Variants in SAMSN1 observed in about 807,000 individuals in gnomAD.
SAMSN1 encodes SAM domain-containing protein SAMSN-1.
In SAMSN1, 31 loss-of-function variants were observed where a neutral mutation model predicts 42.0. That is an observed-to-expected ratio of 0.74 (90% CI 0.55 to 1.00). The LOEUF (loss-of-function observed/expected upper bound fraction) is 1.00, where lower values mean the gene tolerates loss of function less well. SAMSN1 is among the 50% of genes least tolerant of loss of function. SAMSN1 has a pLI of 0.00. For synonymous variants in SAMSN1, 178 were observed against 151.9 expected (o/e 1.17, Z -1.26); for missense variants, 464 against 439.4 (o/e 1.06, Z -0.50).
intron 5 of SAMSN1, among the ~76,000 whole-genome samples, chr21:14,501,320 T>A (rs1171897721): frequency 6.6e-6 from 1 of 152,200 alleles, no homozygotes; most frequent in Non-Finnish European, 1.5e-5. Context: ...TACTCTAAGT[T>A]ATTTTTGCTC....
rs182186727 is a variant in SAMSN1, at chr21:14,514,504, G to A, written c.280-1931C>T. 2.4e-3 allele frequency among the ~76,000 whole-genome samples: 363 copies of A among 152,266 alleles called. 1 individual carries two copies. The highest frequency in any genetic ancestry group is 0.017 in the Middle Eastern group (5 of 294). On this transcript the variant is annotated intron_variant, in intron 3 of 7. Transcript: ENST00000400566. ...TTAGGGGATTATGATAGTAATCCAG[G>A]AAAGAAAGGTTGGTTATTTAGTCTA...
exon 2 of SAMSN1, chr21:14,582,154 C>T (rs1981753077): frequency 7.8e-6 from 12 of 1,548,332 alleles, no homozygotes; most frequent in Non-Finnish European, 9.6e-6. Context: ...GTAGGAGATC[C>T]ATATCTGAGC....
At chr21:14,522,308 A>G (rs545758409) in intron 1 of SAMSN1, among the ~76,000 whole-genome samples, 1 of 152,344 alleles carries the variant, frequency 6.6e-6, no homozygotes, top group East Asian at 1.9e-4. Flanking sequence ...AAAAATTGAT[A>G]TTTCCTCACT....
intron 5 of SAMSN1, among the ~76,000 whole-genome samples, chr21:14,508,223 A>G (rs1188967437): frequency 1.3e-5 from 2 of 152,238 alleles, no homozygotes; most frequent in Non-Finnish European, 2.9e-5. Context: ...TAATTAAACT[A>G]AAGAGATTTT....
intron 5 of SAMSN1, among the ~76,000 whole-genome samples, chr21:14,503,630 C>T (rs1160184618): frequency 6.6e-6 from 1 of 152,016 alleles, no homozygotes; most frequent in Non-Finnish European, 1.5e-5. Flanking sequence ...GGGAATATCA[C>T]CAGGAGAAAG....
At chr21:14,510,532 T>G in intron 4 of SAMSN1, 71 bp from the exon 5 acceptor site, 1 of 1,515,604 alleles carries the variant, frequency 6.6e-7, no homozygotes, top group Non-Finnish European at 9.1e-7. Context: ...TGGACACAAC[T>G]AAGTATTGAT....
intron 1 of SAMSN1, among the ~76,000 whole-genome samples, chr21:14,644,060 C>G (rs1385844565): frequency 2.0e-5 from 3 of 152,162 alleles, no homozygotes; most frequent in African/African-American, 7.2e-5. Context: ...CTGCAGCACT[C>G]TGTGTCTCCA....
chr21:14,544,270 G>A (rs11702574), intron 1 of SAMSN1, among the ~76,000 whole-genome samples: 80,694 of 151,976 alleles, frequency 0.53, 21,855 homozygotes, highest in East Asian at 0.79. Flanking sequence ...AGACTGGGCT[G>A]GAACTCCTGA....
chr21:14,594,249 A>C (rs1417519410), intron 6 of SAMSN1, among the ~76,000 whole-genome samples: 1 of 152,216 alleles, frequency 6.6e-6, no homozygotes, highest in Non-Finnish European at 1.5e-5. Context: ...CAGTGACTTC[A>C]TCTGCATATA....
At position 14,546,236 on chromosome 21, in the gene SAMSN1, A is replaced by T. The variant is rs1257451504; in HGVS notation, c.26T>A (p.Val9Asp). Reference sequence around the variant, plus strand: ...TTTTTGATGTTTCTCCTTCTCTGAAACATTGGATGGCTTTCTCTTGAGCAT... The same window carrying T: ...TTTTTGATGTTTCTCCTTCTCTGAATCATTGGATGGCTTTCTCTTGAGCAT... MLKRKPSN[V>D]SEKEKHQKPK... is the part of the protein sequence containing the mutation. Residue 9 changes from valine (V) to aspartate (D), a missense_variant, in exon 1 of 8, where the codon GTT becomes GAT. Coordinates refer to ENST00000400566, the MANE Select transcript of SAMSN1 (RefSeq NM_022136.5). 6.2e-7 allele frequency: 1 copy of T among 1,613,514 alleles called. No individual in the cohort carries two copies. Among genetic ancestry groups the T allele is most frequent in the Non-Finnish European group, 8.5e-7 (1 of 1,179,786 alleles).
chr21:14,512,188 A>G (rs1298015917), intron 4 of SAMSN1, among the ~76,000 whole-genome samples: 1 of 152,230 alleles, frequency 6.6e-6, no homozygotes, highest in Non-Finnish European at 1.5e-5. Context: ...ATCTCCTAAT[A>G]TGGCTTTTTT....
At chr21:14,571,040 A>C (rs1981285095) in intron 2 of SAMSN1, among the ~76,000 whole-genome samples, 1 of 152,082 alleles carries the variant, frequency 6.6e-6, no homozygotes, top group Non-Finnish European at 1.5e-5. Flanking sequence ...CTCTTCCATC[A>C]CATTTGAACT....
chr21:14,519,846 T>C (rs1038536423), intron 2 of SAMSN1, among the ~76,000 whole-genome samples: 3 of 152,168 alleles, frequency 2.0e-5, no homozygotes, highest in Non-Finnish European at 4.4e-5. Context: ...CCCTTCTCTG[T>C]ACTATTTTAT....
At chr21:14,609,419 T>C (rs1241656550) in intron 5 of SAMSN1, 1 of 711,616 alleles carries the variant, frequency 1.4e-6, no homozygotes, top group Non-Finnish European at 2.6e-6. Flanking sequence ...TGAATTTTTC[T>C]TACCTGCCCT....
intron 2 of SAMSN1, among the ~76,000 whole-genome samples, chr21:14,575,001 C>T (rs1981413512): frequency 6.6e-6 from 1 of 152,088 alleles, no homozygotes; most frequent in Non-Finnish European, 1.5e-5. Context: ...ATTGCTATTA[C>T]TTATTCTTCC....
At chr21:14,538,168 A>T (rs1332636983) in intron 1 of SAMSN1, among the ~76,000 whole-genome samples, 1 of 152,240 alleles carries the variant, frequency 6.6e-6, no homozygotes, top group African/African-American at 2.4e-5. Context: ...CTAGAAGTTA[A>T]AATAAATATT....
intron 5 of SAMSN1, among the ~76,000 whole-genome samples, chr21:14,604,706 A>G (rs1320261337): frequency 6.6e-6 from 1 of 152,240 alleles, no homozygotes; most frequent in Non-Finnish European, 1.5e-5. Context: ...CTGGGAGAAG[A>G]TGGAGTGACA....
At chr21:14,534,437 T>A (rs1198539953) in intron 1 of SAMSN1, among the ~76,000 whole-genome samples, 12 of 152,032 alleles carry the variant, frequency 7.9e-5, no homozygotes, top group Non-Finnish European at 2.9e-5. Context: ...TGAAAAACTG[T>A]GAGTTTAAAC....
chr21:14,578,860 C>T (rs1035028622), intron 2 of SAMSN1, among the ~76,000 whole-genome samples: 2 of 152,012 alleles, frequency 1.3e-5, no homozygotes, highest in Non-Finnish European at 1.5e-5. Flanking sequence ...TATAATCACA[C>T]TCTTACCCTT....
Sources: gnomAD v4.1 joint callset for allele counts (sites outside exome capture counted in the v4.1 genomes callset) on GRCh38, gnomAD v4.1.1 for gene constraint, MANE v1.5 for transcripts, NCBI Gene and HGNC (gene_info 2026-07-23, HGNC 2026-07-21) for gene names.